The following MAN2A1 variants were observed in gnomAD, a reference collection of about 807,000 sequenced individuals.
MAN2A1 encodes mannosidase alpha class 2A member 1.
MAN2A1 carries 76 observed loss-of-function variants against 142.6 expected under a neutral mutation model. The ratio of observed to expected loss-of-function variants is 0.53; its 90% CI spans 0.44 to 0.65. The LOEUF (loss-of-function observed/expected upper bound fraction) is 0.65, where lower values mean the gene tolerates loss of function less well. MAN2A1 is among the 30% of genes least tolerant of loss of function. The pLI is 0.00. For synonymous variants in MAN2A1, 559 were observed against 473.2 expected (o/e 1.18, Z -2.35); for missense variants, 1,311 against 1,365.1 (o/e 0.96, Z 0.62).
chr5:109,812,441 C>G (rs540095410), intron 12 of MAN2A1, among the ~76,000 whole-genome samples: 38 of 152,176 alleles, frequency 2.5e-4, no homozygotes, highest in Admixed American at 5.2e-4. Flanking sequence ...TGGTATATAT[C>G]AAAAGAACTT....
At chr5:109,853,172 A>G (rs934059414) in intron 19 of MAN2A1, among the ~76,000 whole-genome samples, 2 of 152,216 alleles carry the variant, frequency 1.3e-5, no homozygotes, top group African/African-American at 2.4e-5. Context: ...GTTAAAAGGT[A>G]AAGTTTATCT....
rs1755895709 is a variant in MAN2A1, at chr5:109,866,855, C to T, written c.3292C>T (p.Gln1098Ter). Residue 1098 changes from glutamine (Q) to a stop codon, truncating the protein, a stop_gained, in exon 22 of 22, where the codon CAG becomes TAG. Coordinates refer to ENST00000261483, the MANE Select transcript of MAN2A1 (RefSeq NM_002372.4). LOFTEE classifies it high-confidence loss of function. ...CSTTQGKILV[Q>*]KLLNKFIVES... is the part of the protein sequence containing the mutation. The stretch of plus-strand genomic sequence containing the variant: ...ATCATTTACTTTTCAGATATTGGTA[C>T]AGAAACTTTTAAACAAGTTTATTGT... 6.2e-7 allele frequency: 1 copy of T among 1,601,864 alleles called. No individual in the cohort carries two copies. Among genetic ancestry groups the T allele is most frequent in the East Asian group, 2.2e-5 (1 of 44,570 alleles).
chr5:109,826,145 A>T (rs976419575), intron 16 of MAN2A1, among the ~76,000 whole-genome samples: 1 of 151,576 alleles, frequency 6.6e-6, no homozygotes, highest in East Asian at 1.9e-4. Context: ...ACCTCAGGTA[A>T]TCCACCCGCC....
chr5:109,735,783 C>T (rs1186286668), intron 4 of MAN2A1, among the ~76,000 whole-genome samples: 1 of 151,424 alleles, frequency 6.6e-6, no homozygotes, highest in African/African-American at 2.4e-5. Flanking sequence ...CTTCGTACTC[C>T]ATCAAAAAAG....
intron 5 of MAN2A1, among the ~76,000 whole-genome samples, chr5:109,756,669 C>T (rs552009396): frequency 6.6e-6 from 1 of 152,206 alleles, no homozygotes; most frequent in Non-Finnish European, 1.5e-5. Flanking sequence ...ATTATCAGAA[C>T]CATTTGGAAG....
intron 1 of MAN2A1, among the ~76,000 whole-genome samples, chr5:109,710,766 C>T (rs1751278089): frequency 6.6e-6 from 1 of 152,138 alleles, no homozygotes; most frequent in Non-Finnish European, 1.5e-5. Context: ...TCTTGGCTCA[C>T]CACAACCTCC....
chr5:109,697,003 T>C (rs961621023), intron 1 of MAN2A1, among the ~76,000 whole-genome samples: 3 of 152,216 alleles, frequency 2.0e-5, no homozygotes, highest in Non-Finnish European at 4.4e-5. Flanking sequence ...GTAAAAAAAT[T>C]CTTTTCCAAT....
chr5:109,825,840 G>T (rs1754741563), intron 16 of MAN2A1, among the ~76,000 whole-genome samples: 1 of 150,344 alleles, frequency 6.7e-6, no homozygotes, highest in Non-Finnish European at 1.5e-5. Flanking sequence ...TCTATTTGCT[G>T]GTCTTGCCTC....
At chr5:109,778,743 A>C (rs1025277379) in intron 8 of MAN2A1, among the ~76,000 whole-genome samples, 2 of 152,086 alleles carry the variant, frequency 1.3e-5, no homozygotes, top group Non-Finnish European at 2.9e-5. Flanking sequence ...AATGTCTTCA[A>C]AGCTTTTTCT....
intron 5 of MAN2A1, among the ~76,000 whole-genome samples, chr5:109,764,792 T>C (rs1752946139): frequency 6.6e-6 from 1 of 152,176 alleles, no homozygotes; most frequent in Non-Finnish European, 1.5e-5. Context: ...TTTTATCTTT[T>C]TTTGTAAGCT....
intron 5 of MAN2A1, 69 bp downstream of exon 5, chr5:109,755,525 C>T: frequency 1.6e-6 from 2 of 1,259,522 alleles, no homozygotes; most frequent in Non-Finnish European, 2.2e-6. Context: ...AAGTGAGGCT[C>T]TGTTCTTTTT....
intron 16 of MAN2A1, among the ~76,000 whole-genome samples, chr5:109,833,228 G>A (rs184209195): frequency 0.012 from 1,893 of 152,070 alleles, 44 homozygotes; most frequent in African/African-American, 0.043. Context: ...CCAGACGATG[G>A]GCGGCCAGGC....
At chr5:109,732,299 C>T (rs1365229350) in intron 4 of MAN2A1, among the ~76,000 whole-genome samples, 3 of 151,458 alleles carry the variant, frequency 2.0e-5, no homozygotes, top group African/African-American at 7.3e-5. Flanking sequence ...AAATTTTCTC[C>T]CATTTTGTAG....
At chr5:109,696,123 A>G (rs561546493) in intron 1 of MAN2A1, among the ~76,000 whole-genome samples, 19 of 150,994 alleles carry the variant, frequency 1.3e-4, no homozygotes, top group Admixed American at 4.6e-4. Context: ...TTTTTTTGAG[A>G]CGGAGTCTCA....
At chr5:109,842,812 T>TTTTTTTTTTTTTTTTG (rs1755244490) in intron 17 of MAN2A1, among the ~76,000 whole-genome samples, 1 of 145,016 alleles carries the variant, frequency 6.9e-6, no homozygotes, top group South Asian at 2.4e-4. Flanking sequence ...TTGGGTTTTT[T>TTTTTTTTTTTTTTTTG]TTTTTTTTTT....
chr5:109,769,089 TATGTCCTTATCCATAGGA>T (rs1340205892), intron 6 of MAN2A1, among the ~76,000 whole-genome samples: 1 of 152,034 alleles, frequency 6.6e-6, no homozygotes, highest in African/African-American at 2.4e-5. Flanking sequence ...GGGTATGGAG[TATGTCCTTATCCATAGGA>T]GAGAAGAGTT....
chr5:109,802,294 A>G (rs138084931), intron 12 of MAN2A1, among the ~76,000 whole-genome samples: 437 of 152,302 alleles, frequency 2.9e-3, no homozygotes, highest in Non-Finnish European at 5.0e-3. Context: ...AGTACTGTGC[A>G]TATGTGGCAT....
intron 12 of MAN2A1, among the ~76,000 whole-genome samples, chr5:109,799,048 C>T (rs1407256821): frequency 6.6e-6 from 1 of 152,102 alleles, no homozygotes; most frequent in East Asian, 1.9e-4. Context: ...AATGCTACTA[C>T]CCTGCTTCAG....
intron 12 of MAN2A1, among the ~76,000 whole-genome samples, chr5:109,790,195 G>A (rs1753700655): frequency 6.6e-6 from 1 of 151,704 alleles, no homozygotes; most frequent in African/African-American, 2.4e-5. Flanking sequence ...GTTATTTTTT[G>A]TAATATAACC....
Sources: gnomAD v4.1 joint callset for allele counts (sites outside exome capture counted in the v4.1 genomes callset) on GRCh38, gnomAD v4.1.1 for gene constraint, MANE v1.5 for transcripts, NCBI Gene and HGNC (gene_info 2026-07-23, HGNC 2026-07-21) for gene names.